Variants in EPS8L2 observed in about 807,000 individuals in gnomAD.
EPS8L2 encodes EPS8 signaling adaptor L2.
In EPS8L2, 81 loss-of-function variants were observed where a neutral mutation model predicts 99.4. That is an observed-to-expected ratio of 0.82 (90% CI 0.68 to 0.98). The LOEUF (loss-of-function observed/expected upper bound fraction) is 0.98. Among genes scored for constraint, EPS8L2 ranks in the 50% least tolerant of loss-of-function variants. The pLI is 0.00. For missense variants in EPS8L2, 1,155 were observed against 968.8 expected (o/e 1.19, Z -2.55); for synonymous variants, 509 against 407.3 (o/e 1.25, Z -3.01).
intron 3 of EPS8L2, 196 bp from the exon 4 acceptor site, chr11:710,226 A>T (rs1434134459): frequency 1.7e-6 from 1 of 586,430 alleles, no homozygotes; most frequent in Non-Finnish European, 3.1e-6. Flanking sequence ...TCCTTCTCCA[A>T]GGGGGCTTCC....
intron 9 of EPS8L2, 100 bp downstream of exon 9, chr11:721,452 C>A: frequency 6.7e-7 from 1 of 1,489,036 alleles, no homozygotes. Flanking sequence ...CCTGTGGCTG[C>A]CCCTCCGAAG....
At position 711,520 on chromosome 11, in the gene EPS8L2, AT is replaced by A. The variant is rs1361305757; in HGVS notation, c.165+1041del. 3.4e-4 allele frequency among the ~76,000 whole-genome samples: 52 copies of A among 151,470 alleles called. 1 individual carries two copies. Among genetic ancestry groups the A allele is most frequent in the African/African-American group, 1.3e-3 (52 of 41,194 alleles). On this transcript the variant is annotated intron_variant, in intron 4 of 20. Coordinates refer to ENST00000318562, the MANE Select transcript of EPS8L2 (RefSeq NM_022772.4). ...CCCACCATGCCCATCTAATTATTTT[AT>A]TTTTTTGTGGAGATGGAAGTCTCCC...
Position 721,929 on chromosome 11 carries a change from C to G in EPS8L2, c.922C>G (p.Pro308Ala). Residue 308 changes from proline to alanine, a missense_variant, in exon 11 of 21, where the codon CCC becomes GCC. Coordinates refer to ENST00000318562, the MANE Select transcript of EPS8L2 (RefSeq NM_022772.4). ...GGGCGTCCTCACACTGCGGGCACGG[C>G]CCCCCTCTGAGGGCGAGTTCATCGA... ...AEGVLTLRAR[P>A]PSEGEFIDCF... 6.3e-7 allele frequency: 1 copy of G among 1,595,972 alleles called. No homozygotes were observed. The highest frequency in any genetic ancestry group is 8.5e-7 in the Non-Finnish European group (1 of 1,171,836).
intron 3 of EPS8L2, chr11:709,935 C>G: frequency 2.2e-6 from 1 of 463,380 alleles, no homozygotes; most frequent in South Asian, 2.4e-5. Context: ...GGGGGCCTGG[C>G]CAGCCCCCAC....
chr11:719,471 G>A (rs1208290229), intron 4 of EPS8L2, among the ~76,000 whole-genome samples: 1 of 152,236 alleles, frequency 6.6e-6, no homozygotes, highest in Non-Finnish European at 1.5e-5. Context: ...CAGGGCAGGG[G>A]CCAGGCTGGC....
At chr11:715,830 C>T (rs1220253198) in intron 4 of EPS8L2, among the ~76,000 whole-genome samples, 2 of 151,656 alleles carry the variant, frequency 1.3e-5, no homozygotes, top group Non-Finnish European at 2.9e-5. Flanking sequence ...CCGCGTTAGC[C>T]AGGATGGTCT....
Position 709,727 on chromosome 11 carries a change from G to C in EPS8L2, c.100+119G>C, listed in dbSNP as rs1184660559. On this transcript the variant is annotated intron_variant, in intron 3 of 20. Transcript: ENST00000318562. ...CTGGTCTGGCCCAGGGGATCTCCGG[G>C]TGCCCAGGGAGGCCTCTGGACCCTA... The C allele has an allele frequency of 2.4e-6, 3 of 1,255,588 alleles. No individual in the cohort carries two copies. The East Asian group carries it at 7.5e-5, about 32-fold the overall frequency. The allele number at this position is 1,255,588 out of a possible 1,614,324, so 77.8% of individuals were successfully genotyped here.
intron 4 of EPS8L2, among the ~76,000 whole-genome samples, chr11:711,238 T>A (rs564386280): frequency 2.3e-5 from 3 of 129,290 alleles, no homozygotes; most frequent in African/African-American, 8.5e-5. Flanking sequence ...TTGGGGGGTT[T>A]TGTGTGCGTG....
chr11:725,888 C>A, intron 17 of EPS8L2, 41 bp downstream of exon 17: 1 of 1,361,918 alleles, frequency 7.3e-7, no homozygotes, highest in Non-Finnish European at 9.4e-7. Context: ...CCCCCAGCTT[C>A]CTGGAGCAGC....
At position 717,427 on chromosome 11, in the gene EPS8L2, G is replaced by T. The variant is rs144453727; in HGVS notation, c.166-2635G>T. Among the ~76,000 whole-genome samples, 875 of 152,372 alleles carry T rather than the reference G, an allele frequency of 5.7e-3. 3 individuals carry two copies. Among genetic ancestry groups the T allele is most frequent in the Non-Finnish European group, 9.9e-3 (671 of 68,036 alleles). ...GCACGTGTGCAGATTACCTGTAGTA[G>T]AATTGGGAGGGGATGGTGTGTGCAG... is the stretch of plus-strand genomic sequence containing the variant. On this transcript the variant is annotated intron_variant, in intron 4 of 20. Transcript: ENST00000318562.
intron 4 of EPS8L2, among the ~76,000 whole-genome samples, chr11:715,013 T>C (rs368047196): frequency 8.7e-4 from 132 of 152,030 alleles, no homozygotes; most frequent in Middle Eastern, 3.4e-3. Flanking sequence ...GAGGCTGAGG[T>C]GGGCAGATCA....
At chr11:726,241 CCCTGGG>C in intron 18 of EPS8L2, 57 bp from the exon 19 acceptor site, 1 of 1,556,252 alleles carries the variant, frequency 6.4e-7, no homozygotes, top group East Asian at 2.3e-5. Flanking sequence ...TGGGGGGGGT[CCCTGGG>C]CCGGGGGCGG....
At chr11:713,339 C>G (rs1861937317) in intron 4 of EPS8L2, among the ~76,000 whole-genome samples, 2 of 152,218 alleles carry the variant, frequency 1.3e-5, no homozygotes, top group Admixed American at 6.5e-5. Context: ...GGTGGCTACC[C>G]CCAACCTCTG....
rs528336256 is a variant in EPS8L2 at position 722,127 on chromosome 11, G to A, written c.1021G>A (p.Ala341Thr). ...GAAGCACATCCAGAACCCCAGCGCC[G>A]CGGAGCTCGTGCACTTCCTCTTCGG... ...LQKHIQNPSA[A>T]ELVHFLFGPL... The change falls in exon 12 of 21, where the codon GCG (alanine) becomes ACG (threonine). Residue 341 changes from alanine (A) to threonine (T), a missense_variant. Physicochemically the swap from Ala to Thr is moderately conservative, Grantham distance 58. Transcript: ENST00000318562. 7.4e-6 allele frequency: 12 copies of A among 1,612,980 alleles called. No individual in the cohort carries two copies. Among genetic ancestry groups the A allele is most frequent in the East Asian group, 2.2e-5 (1 of 44,878 alleles).
At position 720,896 on chromosome 11, in the gene EPS8L2, C is replaced by G; in HGVS notation, c.544C>G (p.Pro182Ala). Residue 182 changes from proline (P) to alanine (A), a missense_variant, in exon 7 of 21, where the codon CCG (proline) becomes GCG (alanine). Physicochemically the swap from Pro to Ala is conservative, Grantham distance 27. Coordinates refer to ENST00000318562, the MANE Select transcript of EPS8L2 (RefSeq NM_022772.4). ...ADCRLGKKMRPQTLKGHQEKI... is the reference protein window; with the variant it reads ...ADCRLGKKMRAQTLKGHQEKI... ...CTGCCGGCTGGGCAAGAAGATGCGG[C>G]CGCAGACCCTGAAGTAGGGCAGCGG... 6.8e-7 allele frequency: 1 copy of G among 1,468,882 alleles called. No homozygotes were observed. The highest frequency in any genetic ancestry group is 9.0e-7 in the Non-Finnish European group (1 of 1,109,498). 91.0% of individuals were successfully genotyped at this position (1,468,882 alleles called of 1,614,324 possible). A position where few individuals can be genotyped will look rare whatever the true frequency, so the allele number is the denominator to read the frequency against.
chr11:709,923 AG>A (rs1182033422), intron 3 of EPS8L2: 21 of 475,798 alleles, frequency 4.4e-5, no homozygotes, highest in Non-Finnish European at 7.3e-5. Flanking sequence ...CTGCTCCAGG[AG>A]GGGGGCCTGG....
chr11:720,867 C>G lies in EPS8L2; in HGVS notation c.515C>G (p.Ala172Gly), dbSNP rs200177008. The G allele has an allele frequency of 6.8e-7, 1 of 1,464,172 alleles. No homozygotes were observed. The highest frequency in any genetic ancestry group is 1.2e-5 in the South Asian group (1 of 82,754). The allele number at this position is 1,464,172 out of a possible 1,614,324, so 90.7% of individuals were successfully genotyped here. Residue 172 changes from alanine (A) to glycine (G), a missense_variant, in exon 7 of 21, where the codon GCC becomes GGC. Transcript: ENST00000318562. Reference sequence around the variant, plus strand: ...CACGAGGACATCGAGAGCGCGTTGGCCGACTGCCGGCTGGGCAAGAAGATG... The same window carrying G: ...CACGAGGACATCGAGAGCGCGTTGGGCGACTGCCGGCTGGGCAAGAAGATG... ...LVHEDIESAL[A>G]DCRLGKKMRP... is the part of the protein sequence containing the mutation.
In EPS8L2 at chr11:720,696, T is replaced by A; in HGVS notation, c.427T>A (p.Ser143Thr). 1 of 1,596,606 alleles carries A rather than the reference T, an allele frequency of 6.3e-7. No homozygotes were observed. Residue 143 changes from serine to threonine, a missense_variant, in exon 6 of 21, where the codon TCG becomes ACG. Physicochemically the swap from Ser to Thr is moderately conservative, Grantham distance 58. Coordinates refer to ENST00000318562, the MANE Select transcript of EPS8L2 (RefSeq NM_022772.4). ...PSVLLLVCQDSEQSKPDVHFF... is the reference protein window; with the variant it reads ...PSVLLLVCQDTEQSKPDVHFF... ...TGTGCTGCTGCTCGTGTGCCAGGACTCGGAGCAGAGCAAGCCGGATGTCCA... is the reference window on the plus strand; with the variant it reads ...TGTGCTGCTGCTCGTGTGCCAGGACACGGAGCAGAGCAAGCCGGATGTCCA...
rs1862347379 is a variant in EPS8L2, at chr11:726,951, C to A, written c.2118C>A (p.Ser706=). 7.4e-6 allele frequency: 12 copies of A among 1,613,422 alleles called. No individual in the cohort carries two copies. The highest frequency in any genetic ancestry group is 9.3e-6 in the Non-Finnish European group (11 of 1,179,896). The change falls in exon 21 of 21, where the codon TCC becomes TCA. Residue 706 remains serine (S), a synonymous_variant. Transcript: ENST00000318562. ...ELEELMNKFH[S]MNQRRGEDS ...AAGAACTCATGAACAAGTTTCATTCCATGAATCAGAGGAGGGGGGAGGACA... is the reference window on the plus strand; with the variant it reads ...AAGAACTCATGAACAAGTTTCATTCAATGAATCAGAGGAGGGGGGAGGACA...
Sources: gnomAD v4.1 joint callset for allele counts (sites outside exome capture counted in the v4.1 genomes callset) on GRCh38, gnomAD v4.1.1 for gene constraint, MANE v1.5 for transcripts, NCBI Gene and HGNC (gene_info 2026-07-23, HGNC 2026-07-21) for gene names.